Variants in RTCB observed in about 807,000 individuals in gnomAD.
RTCB encodes RNA-splicing ligase RTCB.
In RTCB, 32 loss-of-function variants were observed where a neutral mutation model predicts 58.2. That is an observed-to-expected ratio of 0.55 (90% CI 0.41 to 0.74). RTCB has a LOEUF of 0.74. Among genes scored for constraint, RTCB ranks in the 30% least tolerant of loss-of-function variants. RTCB has a pLI of 0.00. For synonymous variants in RTCB, 247 were observed against 218.6 expected (o/e 1.13, Z -1.15); for missense variants, 523 against 639.0 (o/e 0.82, Z 1.96).
intron 8 of RTCB, 65 bp downstream of exon 8, chr22:32,396,009 C>A: frequency 6.5e-7 from 1 of 1,543,860 alleles, no homozygotes; most frequent in South Asian, 1.2e-5. Flanking sequence ...CTGGACTGCA[C>A]TATGTTTTAA....
rs910559308 is a variant in RTCB at position 32,401,843 on chromosome 22, C to T, written c.401G>A (p.Ser134Asn). ...VRLLRTNLDE[S>N]DVQPVKEQLA... is the part of the protein sequence containing the mutation. The stretch of plus-strand genomic sequence containing the variant: ...TTGCTCCTTCACAGGCTGGACATCA[C>T]TTTCATCTAAATTGGTTCTTAGCAA... Residue 134 changes from serine (S) to asparagine (N), a missense_variant, in exon 5 of 12, where the codon AGT (serine) becomes AAT (asparagine). Physicochemically the swap from Ser to Asn is conservative, Grantham distance 46 (BLOSUM62 1). Around this residue, in one of 3 missense-constraint regions of RTCB, gnomAD observed 141 missense variants for 216.7 expected, o/e 0.65. Transcript: ENST00000216038. The T allele has an allele frequency of 1.2e-6, 2 of 1,614,132 alleles. No homozygotes were observed. Among genetic ancestry groups the T allele is most frequent in the Non-Finnish European group, 1.7e-6 (2 of 1,179,986 alleles).
At position 32,392,164 on chromosome 22, in the gene RTCB, T is replaced by C. The variant is rs79105907; in HGVS notation, c.1410+76A>G. Reference sequence around the variant, plus strand: ...AATTTCTGTTAGTAACACCCTAAATTGCTGTCTCTGTAGACTGGAACAAAT... The same window carrying C: ...AATTTCTGTTAGTAACACCCTAAATCGCTGTCTCTGTAGACTGGAACAAAT... On this transcript the variant is annotated intron_variant, in intron 11 of 11. Transcript: ENST00000216038. The C allele has an allele frequency of 2.9e-3, 4,245 of 1,456,764 alleles. 111 individuals carry two copies. The African/African-American group carries it at 0.054, about 19-fold the overall frequency. 90.2% of individuals were successfully genotyped at this position (1,456,764 alleles called of 1,614,324 possible). A position where few individuals can be genotyped will look rare whatever the true frequency, so the allele number is the denominator to read the frequency against.
rs1009436175 is a variant in RTCB, at chr22:32,391,441, G to T, written c.1410+799C>A. Among the ~76,000 whole-genome samples the T allele has an allele frequency of 4.0e-5, 6 of 149,786 alleles. No homozygotes were observed. In the East Asian group the frequency reaches 9.7e-4, roughly 24 times the overall value. ...GACGGAGTCTTACTTTGTCATCTAGGCTGGAGTGCAGTGGCATGATCTTGG... is the reference window on the plus strand; with the variant it reads ...GACGGAGTCTTACTTTGTCATCTAGTCTGGAGTGCAGTGGCATGATCTTGG... On this transcript the variant is annotated intron_variant, in intron 11 of 11. Transcript: ENST00000216038.
rs758193543 is a variant in RTCB, at chr22:32,387,881, C to G, written c.*111G>C. On this transcript the variant is annotated 3_prime_UTR_variant, in exon 12 of 12. Coordinates refer to ENST00000216038, the MANE Select transcript of RTCB (RefSeq NM_014306.5). The stretch of plus-strand genomic sequence containing the variant: ...GCCATTTTGGCGTGAGCAGTTACAG[C>G]TGCACACTTTGCAACTTGTCCCGCC... 2 of 718,156 alleles carry G rather than the reference C, an allele frequency of 2.8e-6. No individual in the cohort carries two copies. Among genetic ancestry groups the G allele is most frequent in the Non-Finnish European group, 4.9e-6 (2 of 406,560 alleles). The allele number at this position is 718,156 out of a possible 1,614,324, so 44.5% of individuals were successfully genotyped here.
rs371841124 is a variant in RTCB at position 32,411,944 on chromosome 22, G to C, written c.93+120C>G. 10 of 706,472 alleles carry C rather than the reference G, an allele frequency of 1.4e-5. No homozygotes were observed. The East Asian group carries it at 2.8e-4, about 20-fold the overall frequency. 43.8% of individuals were successfully genotyped at this position (706,472 alleles called of 1,614,324 possible). A position where few individuals can be genotyped will look rare whatever the true frequency, so the allele number is the denominator to read the frequency against. On this transcript the variant is annotated intron_variant, in intron 1 of 11. Transcript: ENST00000216038. Reference sequence around the variant, plus strand: ...GTGAGGGGAGAAGGACGGGATGAGGGAAACTCTGCAAGGGGCCGGGGCGGA... The same window carrying C: ...GTGAGGGGAGAAGGACGGGATGAGGCAAACTCTGCAAGGGGCCGGGGCGGA...
At chr22:32,388,947 A>G (rs1476599299) in intron 11 of RTCB, among the ~76,000 whole-genome samples, 1 of 152,094 alleles carries the variant, frequency 6.6e-6, no homozygotes, top group Admixed American at 6.6e-5. Flanking sequence ...ATCTTTCCCG[A>G]GGATACCACT....
At chr22:32,392,091 C>A in intron 11 of RTCB, 149 bp downstream of exon 11, 9 of 712,496 alleles carry the variant, frequency 1.3e-5, no homozygotes, top group South Asian at 7.0e-5. Context: ...TAAGCTAATC[C>A]AAGGAAGATA....
intron 4 of RTCB, among the ~76,000 whole-genome samples, chr22:32,405,301 T>A (rs1057098561): frequency 2.0e-5 from 3 of 152,154 alleles, no homozygotes; most frequent in Non-Finnish European, 4.4e-5. Flanking sequence ...CCTCAATAAT[T>A]ATTACTAAAG....
At chr22:32,394,686 A>G (rs914434768) in intron 9 of RTCB, among the ~76,000 whole-genome samples, 11 of 152,194 alleles carry the variant, frequency 7.2e-5, no homozygotes, top group African/African-American at 2.7e-4. Context: ...ACTCCACCAC[A>G]GCCAGACACC....
In RTCB at chr22:32,397,981, GATC is replaced by G; in HGVS notation, c.771_773del (p.Met257del). 6.2e-7 allele frequency: 1 copy of G among 1,613,920 alleles called. No homozygotes were observed. The highest frequency in any genetic ancestry group is 8.5e-7 in the Non-Finnish European group (1 of 1,179,980). ...GGCCCAAGCCTCTGCTTCCACTGTG[GATC>G]ATCACACACACCTGTCCCTTATGGT... is the stretch of plus-strand genomic sequence containing the variant. On this transcript the variant is annotated inframe_deletion, in exon 7 of 12. Transcript: ENST00000216038.
intron 11 of RTCB, among the ~76,000 whole-genome samples, chr22:32,389,549 C>T (rs999780158): frequency 3.3e-5 from 5 of 152,012 alleles, no homozygotes; most frequent in Admixed American, 6.6e-5. Context: ...TGGCTTTAAG[C>T]GATACTCTCA....
chr22:32,405,389 G>A (rs1933402484), intron 4 of RTCB, among the ~76,000 whole-genome samples: 1 of 151,960 alleles, frequency 6.6e-6, no homozygotes, highest in Non-Finnish European at 1.5e-5. Context: ...CTGCTTTACC[G>A]CTCAGCATGT....
chr22:32,398,234 C>G, intron 6 of RTCB, 134 bp from the exon 7 acceptor site: 1 of 969,140 alleles, frequency 1.0e-6, no homozygotes, highest in South Asian at 1.5e-5. Flanking sequence ...CAAAAAAATT[C>G]CTAAGCTATA....
Position 32,407,372 on chromosome 22 carries a change from A to T in RTCB, c.241-611T>A, listed in dbSNP as rs186628900. 3.8e-3 allele frequency: 585 copies of T among 153,076 alleles called. 3 individuals are homozygous for T. Among genetic ancestry groups the T allele is most frequent in the Non-Finnish European group, 5.9e-3 (404 of 68,596 alleles). 9.5% of individuals were successfully genotyped at this position (153,076 alleles called of 1,614,324 possible). A position where few individuals can be genotyped will look rare whatever the true frequency, so the allele number is the denominator to read the frequency against. Reference sequence around the variant, plus strand: ...AACTGGCATAAAGAAGACCTCAAAAATGTCTGCCGAATAGATCCATTTTCA... The same window carrying T: ...AACTGGCATAAAGAAGACCTCAAAATTGTCTGCCGAATAGATCCATTTTCA... On this transcript the variant is annotated intron_variant, in intron 3 of 11. Coordinates refer to ENST00000216038, the MANE Select transcript of RTCB (RefSeq NM_014306.5).
At chr22:32,393,761 T>C (rs866952898) in intron 10 of RTCB, 131 bp downstream of exon 10, 8 of 660,908 alleles carry the variant, frequency 1.2e-5, no homozygotes, top group African/African-American at 1.8e-5. Flanking sequence ...GGGGAACAAT[T>C]TGAAGTACAA....
At chr22:32,393,827 G>A (rs1933196043) in intron 10 of RTCB, 65 bp downstream of exon 10, 2 of 1,144,102 alleles carry the variant, frequency 1.7e-6, no homozygotes, top group East Asian at 2.3e-5. Flanking sequence ...ACATTTACCA[G>A]TCAAAATGGA....
chr22:32,410,169 A>G (rs931800751), intron 1 of RTCB, among the ~76,000 whole-genome samples: 3 of 152,192 alleles, frequency 2.0e-5, no homozygotes, highest in African/African-American at 7.2e-5. Flanking sequence ...AGCAAGTGCC[A>G]TAACATTAAG....
intron 1 of RTCB, among the ~76,000 whole-genome samples, chr22:32,409,581 T>C (rs867607567): frequency 6.6e-6 from 1 of 152,186 alleles, no homozygotes; most frequent in Non-Finnish European, 1.5e-5. Flanking sequence ...ACTTAATCAA[T>C]TGAATGTAGT....
At chr22:32,402,598 C>T (rs5754070) in intron 4 of RTCB, among the ~76,000 whole-genome samples, 4 of 149,456 alleles carry the variant, frequency 2.7e-5, no homozygotes, top group South Asian at 2.2e-4. Context: ...TACAGGCGTG[C>T]GCCACCACAC....
Sources: gnomAD v4.1 joint callset for allele counts (sites outside exome capture counted in the v4.1 genomes callset) on GRCh38, gnomAD v4.1.1 for gene constraint, gnomAD v4.1.1 regional missense constraint, MANE v1.5 for transcripts, NCBI Gene and HGNC (gene_info 2026-07-23, HGNC 2026-07-21) for gene names.